The following ZBTB49 variants were observed in gnomAD, a reference collection of about 807,000 sequenced individuals.
ZBTB49 encodes the protein zinc finger and BTB domain-containing protein 49.
A neutral mutation model predicts 57.5 loss-of-function variants in ZBTB49; 43 were observed. That is an observed-to-expected ratio of 0.75 (90% CI 0.59 to 0.97). The LOEUF (loss-of-function observed/expected upper bound fraction) is 0.97. Among genes scored for constraint, ZBTB49 ranks in the 50% least tolerant of loss-of-function variants. The pLI is 0.00. For missense variants in ZBTB49, 938 were observed against 947.7 expected (o/e 0.99, Z 0.13); for synonymous variants, 369 against 362.1 (o/e 1.02, Z -0.22).
chr4:4,307,959 C>T (rs555439946), intron 4 of ZBTB49, among the ~76,000 whole-genome samples: 2 of 152,260 alleles, frequency 1.3e-5, no homozygotes, highest in South Asian at 2.1e-4. Context: ...AGTTAAAACC[C>T]GACATTCAGT....
intron 7 of ZBTB49, among the ~76,000 whole-genome samples, chr4:4,316,957 G>A (rs561352583): frequency 6.6e-6 from 1 of 152,344 alleles, no homozygotes; most frequent in Non-Finnish European, 1.5e-5. Flanking sequence ...AGGATCTCTT[G>A]AGCCCAGGAG....
intron 7 of ZBTB49, among the ~76,000 whole-genome samples, chr4:4,319,989 C>T (rs965484682): frequency 6.6e-6 from 1 of 151,984 alleles, no homozygotes; most frequent in Non-Finnish European, 1.5e-5. Context: ...ACCTGAACCT[C>T]GGAGGCAGAG....
intron 7 of ZBTB49, among the ~76,000 whole-genome samples, chr4:4,319,769 C>A (rs142121958): frequency 4.6e-5 from 7 of 151,866 alleles, no homozygotes; most frequent in African/African-American, 1.7e-4. Flanking sequence ...TGCTGTGATC[C>A]GAGATTGCAC....
chr4:4,315,770 C>T lies in ZBTB49; in HGVS notation c.1460-39C>T, dbSNP rs200681886. On this transcript the variant is annotated intron_variant, in intron 6 of 7. Coordinates refer to ENST00000337872, the MANE Select transcript of ZBTB49 (RefSeq NM_145291.4). The stretch of plus-strand genomic sequence containing the variant: ...CTTGAAGATTTCTGATTAAAATGTT[C>T]TCTGTCCTTCAGCTTAACACCTGTT... 4.9e-5 allele frequency: 79 copies of T among 1,613,270 alleles called. No homozygotes were observed. The South Asian group carries it at 8.2e-4, about 17-fold the overall frequency.
intron 1 of ZBTB49, among the ~76,000 whole-genome samples, chr4:4,297,170 A>G (rs757473226): frequency 7.2e-5 from 11 of 152,132 alleles, no homozygotes; most frequent in Non-Finnish European, 1.6e-4. Flanking sequence ...GCCTGGGTTC[A>G]AGTGAATCGC....
At chr4:4,295,570 C>G (rs938283401) in intron 1 of ZBTB49, among the ~76,000 whole-genome samples, 5 of 152,192 alleles carry the variant, frequency 3.3e-5, no homozygotes, top group African/African-American at 1.2e-4. Flanking sequence ...TTTCAGGCAA[C>G]CAGCTTGGCA....
Position 4,320,881 on chromosome 4 carries a change from G to A in ZBTB49, c.1863G>A (p.Thr621=), listed in dbSNP as rs761780781. ...SQSSDSFSQD[T]SVTLMPVSVK... ...GCTCAGACTCTTTCTCCCAAGACAC[G>A]TCTGTGACGCTGATGCCAGTGTCGG... The change falls in exon 8 of 8, where the codon ACG becomes ACA. Residue 621 remains threonine (T), a synonymous_variant. Coordinates refer to ENST00000337872, the MANE Select transcript of ZBTB49 (RefSeq NM_145291.4). 9 of 1,614,072 alleles carry A rather than the reference G, an allele frequency of 5.6e-6. No individual in the cohort carries two copies. Among genetic ancestry groups the A allele is most frequent in the Admixed American group, 5.0e-5 (3 of 60,002 alleles).
At chr4:4,306,453 C>T (rs894487) in intron 4 of ZBTB49, among the ~76,000 whole-genome samples, 9,859 of 152,286 alleles carry the variant, frequency 0.065, 813 homozygotes, top group East Asian at 0.32. Context: ...TCTTCCGTTT[C>T]ATGAATGAAG....
chr4:4,303,756 C>CTGTGTG (rs536603082), intron 3 of ZBTB49, among the ~76,000 whole-genome samples: 4,388 of 93,502 alleles, frequency 0.047, 338 homozygotes, highest in East Asian at 0.32. Flanking sequence ...CTCTCTCTCT[C>CTGTGTG]TCTCTGTGTG....
intron 1 of ZBTB49, among the ~76,000 whole-genome samples, chr4:4,297,989 A>G (rs1277470464): frequency 6.6e-6 from 1 of 152,220 alleles, no homozygotes; most frequent in East Asian, 1.9e-4. Flanking sequence ...CTGACAGAAC[A>G]AAACCCTGGG....
rs1007266238 is a variant in ZBTB49, at chr4:4,321,585, G to C, written c.*269G>C. On this transcript the variant is annotated 3_prime_UTR_variant, in exon 8 of 8. Transcript: ENST00000337872. The stretch of plus-strand genomic sequence containing the variant: ...TGCTGTCTCAGCAGCCTCAGCTGTG[G>C]GGGGGAAGCGCGTGTGCATCGTGTC... The C allele has an allele frequency of 7.7e-6, 4 of 516,568 alleles. No individual in the cohort carries two copies. The highest frequency in any genetic ancestry group is 1.4e-5 in the Non-Finnish European group (4 of 291,174). 32.0% of individuals were successfully genotyped at this position (516,568 alleles called of 1,614,324 possible). A position where few individuals can be genotyped will look rare whatever the true frequency, so the allele number is the denominator to read the frequency against.
intron 5 of ZBTB49, among the ~76,000 whole-genome samples, chr4:4,314,481 C>T (rs1721106381): frequency 1.3e-5 from 2 of 152,244 alleles, no homozygotes; most frequent in African/African-American, 2.4e-5. Context: ...AAGCGATTCT[C>T]CTGCCTCTGC....
rs771761228 is a variant in ZBTB49, at chr4:4,320,678, G to A, written c.1660G>A (p.Val554Ile). 6.2e-7 allele frequency: 1 copy of A among 1,614,190 alleles called. No individual in the cohort carries two copies. The highest frequency in any genetic ancestry group is 1.7e-5 in the Admixed American group (1 of 60,026). ...FGGSGDLRRH[V>I]RTHTGEKPYT... Reference sequence around the variant, plus strand: ...GGGATCAGGTGACCTCCGCAGGCATGTCCGCACTCACACTGGGGAGAAGCC... The same window carrying A: ...GGGATCAGGTGACCTCCGCAGGCATATCCGCACTCACACTGGGGAGAAGCC... The change falls in exon 8 of 8, where the codon GTC becomes ATC. Residue 554 changes from valine (V) to isoleucine (I), a missense_variant. By Grantham distance (29) the Val-to-Ile change is conservative. Around this residue, in one of 3 missense-constraint regions of ZBTB49, gnomAD observed 835 missense variants for 819.1 expected, o/e 1.02. Coordinates refer to ENST00000337872, the MANE Select transcript of ZBTB49 (RefSeq NM_145291.4).
chr4:4,307,162 G>A (rs932712603), intron 4 of ZBTB49, among the ~76,000 whole-genome samples: 19 of 152,174 alleles, frequency 1.2e-4, no homozygotes, highest in African/African-American at 4.1e-4. Context: ...AGTCCTCGCC[G>A]TCTCTCATCG....
intron 7 of ZBTB49, among the ~76,000 whole-genome samples, chr4:4,316,238 G>C (rs1294555787): frequency 6.6e-6 from 1 of 152,200 alleles, no homozygotes; most frequent in African/African-American, 2.4e-5. Context: ...GGTCCAGATG[G>C]GAAGAGGGAG....
In ZBTB49 at chr4:4,292,403, A is replaced by G. The variant is rs147517127; in HGVS notation, c.-20+2051A>G. Among the ~76,000 whole-genome samples, 108 of 152,354 alleles carry G rather than the reference A, an allele frequency of 7.1e-4. 1 individual carries two copies. Among genetic ancestry groups the G allele is most frequent in the Admixed American group, 1.3e-3 (20 of 15,312 alleles). ...GTTTGCCATCGTACCTTCAGTGCCT[A>G]GCGCATAATGGGCATTGTGTAAAGT... On this transcript the variant is annotated intron_variant, in intron 1 of 7. Coordinates refer to ENST00000337872, the MANE Select transcript of ZBTB49 (RefSeq NM_145291.4).
intron 4 of ZBTB49, among the ~76,000 whole-genome samples, chr4:4,310,001 G>A (rs906281308): frequency 1.3e-5 from 2 of 152,116 alleles, no homozygotes; most frequent in Non-Finnish European, 2.9e-5. Context: ...ATCTCTAAAT[G>A]ATTACGATTC....
chr4:4,312,972 T>G, intron 4 of ZBTB49, 69 bp from the exon 5 acceptor site: 1 of 1,523,252 alleles, frequency 6.6e-7, no homozygotes. Context: ...GTTTTCCTTT[T>G]GAATTTATAT....
Position 4,315,708 on chromosome 4 carries a change from C to G in ZBTB49, c.1449C>G (p.Ile483Met). 6.2e-7 allele frequency: 1 copy of G among 1,614,124 alleles called. No homozygotes were observed. Among genetic ancestry groups the G allele is most frequent in the Non-Finnish European group, 8.5e-7 (1 of 1,180,042 alleles). ...GAGAAAAACCACACTTGTGTGACAT[C>G]TGTGGTCGAGGTACAGCTGAGTGTT... is the stretch of plus-strand genomic sequence containing the variant. ...HSGEKPHLCDICGRGFSNFSN... is the reference protein window; with the variant it reads ...HSGEKPHLCDMCGRGFSNFSN... The change falls in exon 6 of 8, where the codon ATC becomes ATG. Residue 483 changes from isoleucine (I) to methionine (M), a missense_variant. By Grantham distance (10) the Ile-to-Met change is conservative. Coordinates refer to ENST00000337872, the MANE Select transcript of ZBTB49 (RefSeq NM_145291.4).
Sources: allele counts gnomAD v4.1 joint callset (sites outside exome capture counted in the v4.1 genomes callset), GRCh38; gene constraint gnomAD v4.1.1; regional missense constraint gnomAD v4.1.1; transcripts MANE v1.5; gene names NCBI Gene and HGNC (gene_info 2026-07-23, HGNC 2026-07-21).